DAB1: variants seen among roughly 807,000 people sequenced by gnomAD.
DAB1 encodes the protein disabled homolog 1.
Under a neutral mutation model 64.6 loss-of-function variants are expected in DAB1, and 15 were observed. The observed-to-expected ratio is 0.23, with a 90% CI of 0.16 to 0.36. The LOEUF is 0.36. Ranked by LOEUF, DAB1 falls within the 10% of genes least tolerant of loss-of-function variation. The probability of loss-of-function intolerance (pLI) is 1.00; values close to 1 mark genes in which losing one functional copy is unlikely to be tolerated. For missense variants in DAB1, 596 were observed against 706.7 expected (o/e 0.84, Z 1.78); for synonymous variants, 235 against 251.9 (o/e 0.93, Z 0.64).
chr1:58,527,163 T>C, intron 2 of DAB1: 1 of 760,222 alleles, frequency 1.3e-6, no homozygotes, highest in South Asian at 1.4e-5. Flanking sequence ...ACAGTCCAAC[T>C]CTCATTCTCT....
intron 5 of DAB1, among the ~76,000 whole-genome samples, chr1:58,113,547 A>T (rs1373768406): frequency 6.6e-6 from 1 of 152,098 alleles, no homozygotes; most frequent in Non-Finnish European, 1.5e-5. Flanking sequence ...GTGTAATGAG[A>T]GTGTGTGTAT....
At chr1:58,473,281 G>C (rs1046683769) in intron 3 of DAB1, among the ~76,000 whole-genome samples, 11 of 152,096 alleles carry the variant, frequency 7.2e-5, no homozygotes, top group Non-Finnish European at 1.3e-4. Context: ...GGTGGCTCAC[G>C]CCTGTAATCC....
intron 7 of DAB1, among the ~76,000 whole-genome samples, chr1:57,528,956 C>G (rs969767627): frequency 1.3e-5 from 2 of 151,994 alleles, no homozygotes; most frequent in Non-Finnish European, 2.9e-5. Context: ...CAATACCAGA[C>G]AGAAGACATT....
chr1:58,477,890 C>T (rs542682066), intron 3 of DAB1, among the ~76,000 whole-genome samples: 37 of 152,240 alleles, frequency 2.4e-4, no homozygotes, highest in South Asian at 2.1e-3. Context: ...AAGAAATACA[C>T]CATGTACCCT....
intron 6 of DAB1, among the ~76,000 whole-genome samples, chr1:57,787,068 TATTAAC>T (rs1650370134): frequency 6.6e-6 from 1 of 152,150 alleles, no homozygotes; most frequent in African/African-American, 2.4e-5. Flanking sequence ...AAACTCAATA[TATTAAC>T]ATATCAATTA....
intron 7 of DAB1, among the ~76,000 whole-genome samples, chr1:57,566,389 T>C (rs947487891): frequency 3.3e-5 from 5 of 152,044 alleles, no homozygotes; most frequent in Non-Finnish European, 5.9e-5. Context: ...AGCAAACACA[T>C]TCAAAAGCCA....
chr1:57,176,618 T>G (rs182357158), intron 2 of DAB1, among the ~76,000 whole-genome samples: 63 of 152,094 alleles, frequency 4.1e-4, no homozygotes, highest in Non-Finnish European at 7.6e-4. Context: ...ATTATATTCT[T>G]TTCTTGGTAC....
intron 7 of DAB1, among the ~76,000 whole-genome samples, chr1:57,450,411 A>G (rs946619780): frequency 6.6e-6 from 1 of 152,232 alleles, no homozygotes; most frequent in Non-Finnish European, 1.5e-5. Flanking sequence ...TTGCTGAAAA[A>G]AAATATTCTG....
At chr1:57,783,611 C>T (rs76850445) in intron 6 of DAB1, among the ~76,000 whole-genome samples, 1,610 of 152,252 alleles carry the variant, frequency 0.011, 30 homozygotes, top group South Asian at 0.036. Flanking sequence ...GTATTTTTTA[C>T]AAATTGAAGG....
At chr1:57,039,654 T>A (rs759393890) in intron 9 of DAB1, among the ~76,000 whole-genome samples, 6 of 152,170 alleles carry the variant, frequency 3.9e-5, no homozygotes, top group Admixed American at 3.3e-4. Context: ...TTCCTATCCA[T>A]CCCTTATACC....
chr1:58,073,967 C>G (rs893417475), intron 5 of DAB1, among the ~76,000 whole-genome samples: 1 of 152,146 alleles, frequency 6.6e-6, no homozygotes, highest in African/African-American at 2.4e-5. Context: ...AATGACTCCA[C>G]GAAAAGTAGA....
intron 1 of DAB1, among the ~76,000 whole-genome samples, chr1:57,352,942 C>T (rs189430837): frequency 1.3e-5 from 2 of 152,106 alleles, no homozygotes; most frequent in African/African-American, 4.8e-5. Flanking sequence ...GAGAACAGTC[C>T]AAGAGACCGC....
intron 6 of DAB1, among the ~76,000 whole-genome samples, chr1:57,725,613 G>A (rs1316737914): frequency 6.6e-6 from 1 of 152,162 alleles, no homozygotes; most frequent in African/African-American, 2.4e-5. Context: ...TGGGAACATT[G>A]TATCAGATAA....
chr1:57,157,961 A>G (rs925160486), intron 2 of DAB1, among the ~76,000 whole-genome samples: 1 of 152,220 alleles, frequency 6.6e-6, no homozygotes, highest in Admixed American at 6.5e-5. Flanking sequence ...GTGCGAGGCC[A>G]CGCTGCTAAG....
chr1:57,682,766 C>T (rs1387204614), intron 6 of DAB1, among the ~76,000 whole-genome samples: 2 of 152,140 alleles, frequency 1.3e-5, no homozygotes, highest in Non-Finnish European at 2.9e-5. Flanking sequence ...CAGTGGAGCG[C>T]AGCCATAGGT....
At position 57,499,139 on chromosome 1, in the gene DAB1, C is replaced by A. The variant is rs1009334296; in HGVS notation, n.625+150453G>T. 4.1e-4 allele frequency among the ~76,000 whole-genome samples: 63 copies of A among 152,140 alleles called. 1 individual carries two copies. The highest frequency in any genetic ancestry group is 4.3e-4 in the Non-Finnish European group (29 of 68,036). ...TACAGATGCACACCACCACGCCCGG[C>A]TAATTTTTTGTATTTTAGTAGACAC... On this transcript the variant is annotated intron_variant and non_coding_transcript_variant, in intron 7 of 20. Coordinates refer to the DAB1 transcript ENST00000485760.
intron 5 of DAB1, among the ~76,000 whole-genome samples, chr1:58,038,754 G>T (rs2100498515): frequency 6.6e-6 from 1 of 152,216 alleles, no homozygotes; most frequent in South Asian, 2.1e-4. Context: ...ACAAAGGAAG[G>T]TCCCTGCTCC....
At chr1:58,238,145 C>T (rs138448311) in intron 4 of DAB1, among the ~76,000 whole-genome samples, 1 of 152,230 alleles carries the variant, frequency 6.6e-6, no homozygotes, top group East Asian at 1.9e-4. Context: ...AGATATAAAC[C>T]ATGCTCTCAG....
chr1:57,142,168 A>G (rs1406852607), intron 3 of DAB1, among the ~76,000 whole-genome samples: 2 of 152,178 alleles, frequency 1.3e-5, no homozygotes, highest in Non-Finnish European at 2.9e-5. Flanking sequence ...ACTCATACTC[A>G]TTATATGAAT....
Sources: gnomAD v4.1 joint callset for allele counts (sites outside exome capture counted in the v4.1 genomes callset) on GRCh38, gnomAD v4.1.1 for gene constraint, MANE v1.5 for transcripts, NCBI Gene and HGNC (gene_info 2026-07-23, HGNC 2026-07-21) for gene names.